Variants in ANKS1B observed in about 807,000 individuals in gnomAD.
ANKS1B encodes ankyrin repeat and sterile alpha motif domain containing 1B.
ANKS1B carries 36 observed loss-of-function variants against 148.3 expected under a neutral mutation model. The ratio of observed to expected loss-of-function variants is 0.24; its 90% CI spans 0.19 to 0.32. ANKS1B has a LOEUF of 0.32. Ranked by LOEUF, ANKS1B falls within the 10% of genes least tolerant of loss-of-function variation. The probability of loss-of-function intolerance (pLI) is 1.00; values close to 1 mark genes in which losing one functional copy is unlikely to be tolerated. For missense variants in ANKS1B, 1,157 were observed against 1,542.6 expected (o/e 0.75, Z 4.19); for synonymous variants, 542 against 560.8 (o/e 0.97, Z 0.47).
chr12:98,881,020 A>G (rs1596148334), intron 17 of ANKS1B, among the ~76,000 whole-genome samples: 1 of 152,182 alleles, frequency 6.6e-6, no homozygotes, highest in South Asian at 2.1e-4. Context: ...AAAATTTTTT[A>G]ATGAATGATG....
At chr12:98,780,221 G>C (rs76942709) in intron 24 of ANKS1B, among the ~76,000 whole-genome samples, 19 of 152,318 alleles carry the variant, frequency 1.2e-4, no homozygotes, top group African/African-American at 4.6e-4. Context: ...GTCTGGGTGA[G>C]AGGTCCAGAG....
At chr12:99,149,708 A>T (rs1167049843) in intron 15 of ANKS1B, among the ~76,000 whole-genome samples, 1 of 152,148 alleles carries the variant, frequency 6.6e-6, no homozygotes, top group Non-Finnish European at 1.5e-5. Context: ...TCCTTAATAC[A>T]GTCTTCAGAC....
intron 17 of ANKS1B, 77 bp downstream of exon 17, chr12:99,053,076 CCAAA>C: frequency 1.5e-6 from 2 of 1,311,768 alleles, no homozygotes; most frequent in Non-Finnish European, 2.0e-6. Context: ...CATTGGATGT[CCAAA>C]CACTTATAAA....
chr12:99,896,821 T>G (rs1309001501), intron 1 of ANKS1B, among the ~76,000 whole-genome samples: 2 of 151,362 alleles, frequency 1.3e-5, no homozygotes, highest in African/African-American at 2.4e-5. Context: ...GCCTACGGAA[T>G]AGAAGCAAAT....
At chr12:99,613,670 T>A (rs572794892) in intron 9 of ANKS1B, among the ~76,000 whole-genome samples, 1 of 151,808 alleles carries the variant, frequency 6.6e-6, no homozygotes, top group Non-Finnish European at 1.5e-5. Flanking sequence ...CATGGACACA[T>A]AGAGGAGAAC....
intron 8 of ANKS1B, among the ~76,000 whole-genome samples, chr12:99,718,004 C>T (rs1016743077): frequency 3.3e-4 from 50 of 149,810 alleles, no homozygotes; most frequent in African/African-American, 1.2e-3. Context: ...CCCGGGTTCA[C>T]GCCATTCTCC....
chr12:99,118,236 G>A (rs547382615), intron 15 of ANKS1B, among the ~76,000 whole-genome samples: 9 of 152,178 alleles, frequency 5.9e-5, no homozygotes, highest in African/African-American at 1.9e-4. Context: ...TTGATCTAGT[G>A]GTTGTTGGGA....
chr12:99,893,848 C>T (rs908988073), intron 1 of ANKS1B, among the ~76,000 whole-genome samples: 2 of 152,062 alleles, frequency 1.3e-5, no homozygotes, highest in African/African-American at 4.8e-5. Flanking sequence ...TGTAGTATTC[C>T]ATGGTGAATA....
chr12:98,837,175 C>CAA (rs11382425), intron 17 of ANKS1B, among the ~76,000 whole-genome samples: 3,697 of 145,624 alleles, frequency 0.025, 106 homozygotes, highest in African/African-American at 0.067. Context: ...ATTAAAAATA[C>CAA]AAAAAAAAAA....
chr12:99,756,839 A>C (rs1228502078), intron 8 of ANKS1B, among the ~76,000 whole-genome samples: 1 of 152,124 alleles, frequency 6.6e-6, no homozygotes, highest in Non-Finnish European at 1.5e-5. Context: ...AAAAACAAGC[A>C]ATGGGGAAAG....
chr12:98,956,036 C>T (rs145910904), intron 17 of ANKS1B, among the ~76,000 whole-genome samples: 12 of 152,302 alleles, frequency 7.9e-5, no homozygotes, highest in East Asian at 1.9e-4. Context: ...GCCTAGAGAT[C>T]TGACAATGTG....
At chr12:99,394,531 C>G (rs557376143) in intron 12 of ANKS1B, among the ~76,000 whole-genome samples, 26 of 152,138 alleles carry the variant, frequency 1.7e-4, no homozygotes, top group African/African-American at 5.5e-4. Context: ...GTGACCCCCC[C>G]ACCCCCAATA....
intron 24 of ANKS1B, among the ~76,000 whole-genome samples, chr12:98,778,690 A>G (rs146519356): frequency 6.6e-6 from 1 of 152,290 alleles, no homozygotes; most frequent in African/African-American, 2.4e-5. Flanking sequence ...TGATCCTTCA[A>G]CTGTGGATCC....
At chr12:99,130,130 G>T (rs1243217021) in intron 15 of ANKS1B, among the ~76,000 whole-genome samples, 2 of 152,088 alleles carry the variant, frequency 1.3e-5, no homozygotes, top group African/African-American at 4.8e-5. Context: ...ATTTGCCATG[G>T]TACAATGTGT....
chr12:99,515,008 TA>T (rs36077584), intron 9 of ANKS1B, among the ~76,000 whole-genome samples: 7,690 of 144,100 alleles, frequency 0.053, 634 homozygotes, highest in African/African-American at 0.18. Context: ...CTCTATCATT[TA>T]AAAAAAAAAA....
chr12:99,311,069 A>G (rs1354080998), intron 12 of ANKS1B, among the ~76,000 whole-genome samples: 2 of 152,150 alleles, frequency 1.3e-5, no homozygotes, highest in Non-Finnish European at 2.9e-5. Context: ...AATGTTACCT[A>G]TTATTACTGT....
At chr12:98,866,562 T>C (rs1410117784) in intron 17 of ANKS1B, among the ~76,000 whole-genome samples, 1 of 152,178 alleles carries the variant, frequency 6.6e-6, no homozygotes. Context: ...ACCTCGCCCA[T>C]CCTTGACGCT....
chr12:99,110,741 G>A (rs1319357673), intron 15 of ANKS1B, among the ~76,000 whole-genome samples: 2 of 152,096 alleles, frequency 1.3e-5, no homozygotes, highest in East Asian at 3.9e-4. Context: ...TAATAAGGAT[G>A]CTGGGTGTAT....
chr12:99,241,848 G>T (rs1281230626), intron 14 of ANKS1B, among the ~76,000 whole-genome samples: 3 of 152,086 alleles, frequency 2.0e-5, no homozygotes, highest in Non-Finnish European at 4.4e-5. Flanking sequence ...AAATTCAACA[G>T]CCCTTCATGC....
Sources: gnomAD v4.1 joint callset for allele counts (sites outside exome capture counted in the v4.1 genomes callset) on GRCh38, gnomAD v4.1.1 for gene constraint, MANE v1.5 for transcripts, NCBI Gene and HGNC (gene_info 2026-07-23, HGNC 2026-07-21) for gene names.